The following EPHB1 variants were observed in gnomAD, a reference collection of about 807,000 sequenced individuals.
The protein encoded by EPHB1 is EPH receptor B1.
Under a neutral mutation model 94.4 loss-of-function variants are expected in EPHB1, and 30 were observed. The ratio of observed to expected loss-of-function variants is 0.32; its 90% CI spans 0.24 to 0.43. EPHB1 has a LOEUF of 0.43. Among genes scored for constraint, EPHB1 ranks in the 20% least tolerant of loss-of-function variants. EPHB1 has a pLI of 1.00. For missense variants in EPHB1, 1,055 were observed against 1,308.3 expected (o/e 0.81, Z 2.99); for synonymous variants, 522 against 489.1 (o/e 1.07, Z -0.89).
At chr3:135,221,628 C>T (rs1943281319) in intron 12 of EPHB1, among the ~76,000 whole-genome samples, 1 of 152,092 alleles carries the variant, frequency 6.6e-6, no homozygotes, top group African/African-American at 2.4e-5. Flanking sequence ...GAATTTTGAT[C>T]CAGAAAACAT....
chr3:134,908,949 C>T (rs2038394998), intron 1 of EPHB1, among the ~76,000 whole-genome samples: 1 of 147,714 alleles, frequency 6.8e-6, no homozygotes, highest in South Asian at 2.1e-4. Context: ...TGCCATGGGG[C>T]TCCTCAGACA....
intron 1 of EPHB1, among the ~76,000 whole-genome samples, chr3:134,865,313 G>A (rs2037351029): frequency 1.3e-5 from 2 of 152,100 alleles, no homozygotes; most frequent in Non-Finnish European, 2.9e-5. Flanking sequence ...GCCACAACCT[G>A]CATATTGAAA....
chr3:135,040,284 G>A (rs1936791634), intron 3 of EPHB1, among the ~76,000 whole-genome samples: 1 of 152,186 alleles, frequency 6.6e-6, no homozygotes, highest in Non-Finnish European at 1.5e-5. Flanking sequence ...GTGGTATAAA[G>A]GGCCTGGCAT....
At chr3:134,940,015 C>T (rs988425141) in intron 2 of EPHB1, among the ~76,000 whole-genome samples, 26 of 152,102 alleles carry the variant, frequency 1.7e-4, no homozygotes, top group Non-Finnish European at 3.7e-4. Context: ...ATTGCTGGCT[C>T]AAGAGAAGAG....
intron 3 of EPHB1, among the ~76,000 whole-genome samples, chr3:135,032,611 T>C (rs955453981): frequency 6.6e-6 from 1 of 152,176 alleles, no homozygotes; most frequent in African/African-American, 2.4e-5. Flanking sequence ...GATCAGCAGC[T>C]CTATGTGAGT....
intron 3 of EPHB1, among the ~76,000 whole-genome samples, chr3:135,018,124 A>G (rs1334023543): frequency 1.3e-5 from 2 of 152,122 alleles, no homozygotes; most frequent in Non-Finnish European, 2.9e-5. Context: ...GGGAAAAAAC[A>G]TCTTCTTCAG....
chr3:135,190,832 G>A (rs1188562015), intron 10 of EPHB1, among the ~76,000 whole-genome samples: 1 of 152,170 alleles, frequency 6.6e-6, no homozygotes, highest in African/African-American at 2.4e-5. Context: ...AACTTTTACT[G>A]GCATGTCTGC....
intron 1 of EPHB1, among the ~76,000 whole-genome samples, chr3:134,914,427 T>C (rs894044380): frequency 3.3e-5 from 5 of 152,224 alleles, no homozygotes; most frequent in Non-Finnish European, 7.3e-5. Flanking sequence ...CTTAGACGTC[T>C]GAGTAATTTG....
At chr3:135,112,559 T>G (rs1231348706) in intron 4 of EPHB1, among the ~76,000 whole-genome samples, 4 of 101,192 alleles carry the variant, frequency 4.0e-5, no homozygotes, top group Admixed American at 1.5e-4. Context: ...CCCACAACAG[T>G]CCCCAGTGTG....
chr3:135,221,678 A>C (rs1291336995), intron 12 of EPHB1, among the ~76,000 whole-genome samples: 1 of 152,206 alleles, frequency 6.6e-6, no homozygotes, highest in Non-Finnish European at 1.5e-5. Flanking sequence ...ACTTGGAGTC[A>C]GTTACTATAC....
chr3:134,812,495 T>C lies in EPHB1; in HGVS notation c.58+16806T>C, dbSNP rs76148432. On this transcript the variant is annotated intron_variant, in intron 1 of 15. Transcript: ENST00000398015. ...ATTCCATTGCATAGATATCTCACAA[T>C]TGGTTTATCCATTTCACAGTTGGTG... is the stretch of plus-strand genomic sequence containing the variant. Among the ~76,000 whole-genome samples, 1,392 of 152,374 alleles carry C rather than the reference T, an allele frequency of 9.1e-3. 19 individuals are homozygous for C. Among genetic ancestry groups the C allele is most frequent in the African/African-American group, 0.032 (1,323 of 41,588 alleles).
chr3:135,095,291 T>C (rs926084710), intron 3 of EPHB1, among the ~76,000 whole-genome samples: 3 of 151,770 alleles, frequency 2.0e-5, no homozygotes, highest in Non-Finnish European at 4.4e-5. Flanking sequence ...TTTGACTCCT[T>C]GCACCCAACC....
At chr3:134,807,731 ACT>A (rs745424808) in intron 1 of EPHB1, among the ~76,000 whole-genome samples, 15 of 151,984 alleles carry the variant, frequency 9.9e-5, no homozygotes, top group Non-Finnish European at 1.8e-4. Flanking sequence ...TAATGAAAAG[ACT>A]CTCTACAGAG....
rs576444300 is a variant in EPHB1 at position 134,958,771 on chromosome 3, GA to G, written c.805+6720del. ...TAATTGGCTGTCTGTAATTGACTGTGACACCGGCATGAGCAACAGCACAGGG... is the reference window on the plus strand; with the variant it reads ...TAATTGGCTGTCTGTAATTGACTGTGCACCGGCATGAGCAACAGCACAGGG... On this transcript the variant is annotated intron_variant, in intron 3 of 15. Coordinates refer to ENST00000398015, the MANE Select transcript of EPHB1 (RefSeq NM_004441.5). Among the ~76,000 whole-genome samples, 742 of 152,216 alleles carry G rather than the reference GA, an allele frequency of 4.9e-3. 4 individuals are homozygous for G. Among genetic ancestry groups the G allele is most frequent in the African/African-American group, 0.017 (696 of 41,532 alleles).
intron 12 of EPHB1, among the ~76,000 whole-genome samples, chr3:135,229,170 G>T (rs1431057662): frequency 2.0e-5 from 3 of 152,196 alleles, no homozygotes; most frequent in Admixed American, 6.5e-5. Flanking sequence ...CAGAGAGCAG[G>T]GCTCATGCAG....
intron 3 of EPHB1, among the ~76,000 whole-genome samples, chr3:135,053,302 C>T (rs952584407): frequency 6.6e-6 from 1 of 151,344 alleles, no homozygotes; most frequent in Non-Finnish European, 1.5e-5. Context: ...CATATGGAGC[C>T]CATAAATATG....
chr3:134,937,204 T>C (rs1449406813), intron 2 of EPHB1, among the ~76,000 whole-genome samples: 1 of 152,220 alleles, frequency 6.6e-6, no homozygotes, highest in Admixed American at 6.5e-5. Flanking sequence ...TTTTTCTCAA[T>C]GGAGGCAGAG....
intron 12 of EPHB1, among the ~76,000 whole-genome samples, chr3:135,238,470 G>A (rs1194471010): frequency 6.6e-6 from 1 of 152,202 alleles, no homozygotes; most frequent in East Asian, 1.9e-4. Flanking sequence ...AGGAGGGAGC[G>A]GCTCCACAGC....
At chr3:134,995,489 T>G (rs964018394) in intron 3 of EPHB1, among the ~76,000 whole-genome samples, 3 of 152,220 alleles carry the variant, frequency 2.0e-5, no homozygotes, top group African/African-American at 7.2e-5. Flanking sequence ...ACATATATTT[T>G]GTTTTCATTT....
Sources: gnomAD v4.1 joint callset for allele counts (sites outside exome capture counted in the v4.1 genomes callset) on GRCh38, gnomAD v4.1.1 for gene constraint, MANE v1.5 for transcripts, NCBI Gene and HGNC (gene_info 2026-07-23, HGNC 2026-07-21) for gene names.